The following CNTNAP4 variants were observed in gnomAD, a reference collection of about 807,000 sequenced individuals.
The protein encoded by CNTNAP4 is contactin associated protein family member 4.
In CNTNAP4, 98 loss-of-function variants were observed where a neutral mutation model predicts 148.4. That is an observed-to-expected ratio of 0.66 (90% confidence interval 0.56 to 0.78). The LOEUF is 0.78. Ranked by LOEUF, CNTNAP4 falls within the 30% of genes least tolerant of loss-of-function variation. The probability of loss-of-function intolerance (pLI) is 0.00; values close to 1 mark genes in which losing one functional copy is unlikely to be tolerated. For missense variants in CNTNAP4, 1,935 were observed against 1,565.6 expected (o/e 1.24, Z -3.98); for synonymous variants, 730 against 565.1 (o/e 1.29, Z -4.14).
At chr16:76,286,260 G>T (rs985563035) in intron 1 of CNTNAP4, among the ~76,000 whole-genome samples, 5 of 149,864 alleles carry the variant, frequency 3.3e-5, no homozygotes, top group Non-Finnish European at 7.4e-5. Context: ...GACCATTTTG[G>T]TAGGGGAAAT....
intron 2 of CNTNAP4, among the ~76,000 whole-genome samples, chr16:76,325,772 C>T (rs962863083): frequency 6.6e-6 from 1 of 151,824 alleles, no homozygotes; most frequent in African/African-American, 2.4e-5. Flanking sequence ...GGAAAAAACC[C>T]AAAGTGCATT....
rs145227847 is a variant in CNTNAP4, at chr16:76,559,610, G to T, written c.*927G>T. 5.5e-4 allele frequency among the ~76,000 whole-genome samples: 83 copies of T among 151,944 alleles called. No individual in the cohort carries two copies. Among genetic ancestry groups the T allele is most frequent in the African/African-American group, 1.9e-3 (77 of 41,446 alleles). On this transcript the variant is annotated 3_prime_UTR_variant, in exon 24 of 24. Transcript: ENST00000611870. ...TGAAATATACTTATGAGACTATTTT[G>T]CCCAAACCTAGATCAGTCCTTTATT...
At chr16:76,351,528 G>T (rs929762627) in intron 2 of CNTNAP4, among the ~76,000 whole-genome samples, 3 of 152,216 alleles carry the variant, frequency 2.0e-5, no homozygotes, top group Non-Finnish European at 4.4e-5. Context: ...GAGCTGCGCA[G>T]CTTAAAACCC....
chr16:76,461,319 G>T (rs952894389), intron 8 of CNTNAP4, among the ~76,000 whole-genome samples: 29 of 152,134 alleles, frequency 1.9e-4, no homozygotes, highest in African/African-American at 6.5e-4. Flanking sequence ...GGTCTTTACT[G>T]CTCTGTACAT....
chr16:76,369,437 G>A (rs868250557), intron 3 of CNTNAP4, among the ~76,000 whole-genome samples: 34 of 152,184 alleles, frequency 2.2e-4, no homozygotes, highest in Admixed American at 2.1e-3. Context: ...ACCATCTGCT[G>A]TCTTTTAGCA....
chr16:76,424,462 T>C (rs543007526), intron 3 of CNTNAP4, among the ~76,000 whole-genome samples: 1 of 152,170 alleles, frequency 6.6e-6, no homozygotes, highest in South Asian at 2.1e-4. Context: ...TGTAAAGACA[T>C]AAGCATACAG....
chr16:76,307,798 C>T (rs1031961580), intron 1 of CNTNAP4, among the ~76,000 whole-genome samples: 5 of 152,032 alleles, frequency 3.3e-5, no homozygotes, highest in Non-Finnish European at 7.4e-5. Flanking sequence ...TCAATCAGCC[C>T]CTGGCTGTTC....
chr16:76,430,537 A>G (rs1458128925), intron 4 of CNTNAP4, among the ~76,000 whole-genome samples: 1 of 152,156 alleles, frequency 6.6e-6, no homozygotes, highest in Non-Finnish European at 1.5e-5. Context: ...TATTAAAAGG[A>G]AAAGTGGTGT....
chr16:76,373,754 G>C (rs1336305433), intron 3 of CNTNAP4, among the ~76,000 whole-genome samples: 1 of 151,898 alleles, frequency 6.6e-6, no homozygotes, highest in African/African-American at 2.4e-5. Flanking sequence ...AATTAGCCAG[G>C]CATGGTGGCA....
At chr16:76,341,431 C>T (rs1964461071) in intron 2 of CNTNAP4, among the ~76,000 whole-genome samples, 1 of 152,042 alleles carries the variant, frequency 6.6e-6, no homozygotes, top group African/African-American at 2.4e-5. Flanking sequence ...AGGGACAAAG[C>T]CAAGGAAAGG....
At chr16:76,445,964 C>T (rs151262281) in intron 4 of CNTNAP4, among the ~76,000 whole-genome samples, 274 of 152,218 alleles carry the variant, frequency 1.8e-3, no homozygotes, top group African/African-American at 6.3e-3. Context: ...TTTTCCCATG[C>T]GCATTCATTC....
chr16:76,284,067 T>C (rs1295765662), intron 1 of CNTNAP4, among the ~76,000 whole-genome samples: 1 of 152,040 alleles, frequency 6.6e-6, no homozygotes, highest in Non-Finnish European at 1.5e-5. Context: ...TAGCTTATTT[T>C]TCATTTTTAT....
intron 2 of CNTNAP4, among the ~76,000 whole-genome samples, chr16:76,324,235 G>A (rs908687924): frequency 2.6e-5 from 4 of 152,118 alleles, no homozygotes; most frequent in Admixed American, 2.6e-4. Flanking sequence ...AACTGAAATC[G>A]ATACAGTGGC....
intron 2 of CNTNAP4, among the ~76,000 whole-genome samples, chr16:76,326,714 C>G (rs896445795): frequency 6.6e-6 from 1 of 150,680 alleles, no homozygotes; most frequent in African/African-American, 2.4e-5. Flanking sequence ...AAACCAAACA[C>G]TGCATGTTCT....
chr16:76,479,873 G>C (rs953483149), intron 12 of CNTNAP4, among the ~76,000 whole-genome samples: 3 of 152,008 alleles, frequency 2.0e-5, no homozygotes, highest in Non-Finnish European at 4.4e-5. Flanking sequence ...TAAACATAAA[G>C]TTTACGTCTT....
chr16:76,400,749 C>T (rs964105514), intron 3 of CNTNAP4, among the ~76,000 whole-genome samples: 2 of 152,124 alleles, frequency 1.3e-5, no homozygotes, highest in Non-Finnish European at 2.9e-5. Flanking sequence ...TTTCGGTTTT[C>T]TACTTATGGC....
At chr16:76,426,125 G>A (rs1262539864) in intron 3 of CNTNAP4, among the ~76,000 whole-genome samples, 1 of 152,008 alleles carries the variant, frequency 6.6e-6, no homozygotes, top group Non-Finnish European at 1.5e-5. Flanking sequence ...TAGTGTATGG[G>A]GTACTGGTGG....
chr16:76,559,775 T>C lies in CNTNAP4; in HGVS notation c.*1092T>C, dbSNP rs2085345825. The stretch of plus-strand genomic sequence containing the variant: ...GCCCCATTTCCCATTCTGAAACATA[T>C]ACCCCTTTAGGTGTACATTTTGCTG... On this transcript the variant is annotated 3_prime_UTR_variant, in exon 24 of 24. Coordinates refer to ENST00000611870, the MANE Select transcript of CNTNAP4 (RefSeq NM_033401.5). 1.3e-5 allele frequency among the ~76,000 whole-genome samples: 2 copies of C among 152,134 alleles called. No homozygotes were observed. The highest frequency in any genetic ancestry group is 1.3e-4 in the Admixed American group (2 of 15,278).
At chr16:76,336,961 C>G (rs1368611588) in intron 2 of CNTNAP4, among the ~76,000 whole-genome samples, 1 of 152,138 alleles carries the variant, frequency 6.6e-6, no homozygotes, top group Non-Finnish European at 1.5e-5. Context: ...GAAGTTAAAT[C>G]AACTTGCTTT....
Sources: allele counts gnomAD v4.1 joint callset (sites outside exome capture counted in the v4.1 genomes callset), GRCh38; gene constraint gnomAD v4.1.1; transcripts MANE v1.5; gene names NCBI Gene and HGNC (gene_info 2026-07-23, HGNC 2026-07-21).